The following EIF3H variants were observed in gnomAD, a reference collection of about 807,000 sequenced individuals.
EIF3H encodes eukaryotic translation initiation factor 3 subunit H.
A neutral mutation model predicts 44.2 loss-of-function variants in EIF3H; 26 were observed. The ratio of observed to expected loss-of-function variants is 0.59; its 90% CI spans 0.43 to 0.82. The LOEUF (loss-of-function observed/expected upper bound fraction) is 0.82, where lower values mean the gene tolerates loss of function less well. EIF3H is among the 40% of genes least tolerant of loss of function. The pLI is 0.00. For missense variants in EIF3H, 359 were observed against 432.8 expected (o/e 0.83, Z 1.51); for synonymous variants, 166 against 151.9 (o/e 1.09, Z -0.68).
chr8:116,652,137 G>C lies in EIF3H; in HGVS notation c.708-3211C>G, dbSNP rs990891119. On this transcript the variant is annotated intron_variant, in intron 5 of 7. Transcript: ENST00000521861. ...CAAGAGGGGGTTCACTGTGGAGAATGAGAGGAAACCCAGAAGAGCTATAGT... is the reference window on the plus strand; with the variant it reads ...CAAGAGGGGGTTCACTGTGGAGAATCAGAGGAAACCCAGAAGAGCTATAGT... Among the ~76,000 whole-genome samples the C allele has an allele frequency of 9.9e-5, 15 of 152,162 alleles. No homozygotes were observed. In the East Asian group the frequency reaches 2.9e-3, roughly 29 times the overall value.
At chr8:116,714,805 G>A (rs930668940) in intron 2 of EIF3H, among the ~76,000 whole-genome samples, 24 of 152,020 alleles carry the variant, frequency 1.6e-4, no homozygotes, top group African/African-American at 5.3e-4. Context: ...AAAATAATAA[G>A]TAAACACATG....
intron 2 of EIF3H, among the ~76,000 whole-genome samples, chr8:116,683,662 C>G (rs1011986121): frequency 6.6e-6 from 1 of 151,816 alleles, no homozygotes; most frequent in Non-Finnish European, 1.5e-5. Context: ...TTATTTAAAC[C>G]GTAAATTTTG....
chr8:116,669,770 G>A (rs10505284), intron 2 of EIF3H, among the ~76,000 whole-genome samples: 83,151 of 152,050 alleles, frequency 0.55, 24,672 homozygotes, highest in Non-Finnish European at 0.67. Flanking sequence ...AGAATGGAAA[G>A]TGACAGCAGT....
intron 1 of EIF3H, among the ~76,000 whole-genome samples, chr8:116,752,753 G>GAA (rs1586496494): frequency 9.7e-5 from 1 of 10,268 alleles, no homozygotes; most frequent in African/African-American, 4.0e-4. Context: ...AAGAAAGAAA[G>GAA]AGGGAGGGAG....
intron 2 of EIF3H, among the ~76,000 whole-genome samples, chr8:116,690,094 G>A (rs568237802): frequency 1.2e-4 from 18 of 152,112 alleles, no homozygotes; most frequent in African/African-American, 3.1e-4. Context: ...AGGATACCAC[G>A]TCTCAGGTCC....
rs1278358565 is a variant in EIF3H, at chr8:116,642,182, A to G, written c.*2824T>C. 6.6e-6 allele frequency: 1 copy of G among 152,192 alleles called. No individual in the cohort carries two copies. Among genetic ancestry groups the G allele is most frequent in the African/African-American group, 2.4e-5 (1 of 41,440 alleles). The allele number at this position is 152,192 out of a possible 1,614,324, so 9.4% of individuals were successfully genotyped here. On this transcript the variant is annotated 3_prime_UTR_variant, in exon 8 of 8. Transcript: ENST00000521861. ...ATGGAGTTTATAATGAAAATAAAAA[A>G]TTATTTCATAACATTCTGATACCAC...
upstream of EIF3H, chr8:116,755,963 G>T (rs765046847): frequency 6.5e-7 from 1 of 1,536,338 alleles, no homozygotes; most frequent in Non-Finnish European, 8.7e-7. Context: ...TTCTTTCCAG[G>T]CGGTATCCTT....
chr8:116,723,077 C>G (rs1206909219), intron 2 of EIF3H, among the ~76,000 whole-genome samples: 1 of 152,082 alleles, frequency 6.6e-6, no homozygotes, highest in Non-Finnish European at 1.5e-5. Flanking sequence ...ATTATTTCTT[C>G]ATATTCTAAA....
chr8:116,705,142 T>C (rs1814445481), intron 2 of EIF3H, among the ~76,000 whole-genome samples: 1 of 152,180 alleles, frequency 6.6e-6, no homozygotes, highest in Non-Finnish European at 1.5e-5. Context: ...AATGCACCCA[T>C]ATGAATTTAG....
chr8:116,763,983 C>T (rs1306729921), intron 1 of EIF3H, among the ~76,000 whole-genome samples: 1 of 152,010 alleles, frequency 6.6e-6, no homozygotes, highest in Non-Finnish European at 1.5e-5. Context: ...GTCAACTTGG[C>T]TTCATCAAAA....
At chr8:116,700,351 A>T (rs746582089) in intron 2 of EIF3H, among the ~76,000 whole-genome samples, 2 of 152,204 alleles carry the variant, frequency 1.3e-5, no homozygotes, top group Non-Finnish European at 2.9e-5. Context: ...ACAGCTTTGA[A>T]TGCAGCCAAA....
chr8:116,695,067 CTTTT>C (rs767166377), intron 2 of EIF3H, among the ~76,000 whole-genome samples: 6 of 133,550 alleles, frequency 4.5e-5, no homozygotes, highest in Admixed American at 1.5e-4. Context: ...CTTCCTAATT[CTTTT>C]TTTTTTTTTT....
At chr8:116,676,412 GACA>G (rs1211371715) in intron 2 of EIF3H, among the ~76,000 whole-genome samples, 23 of 152,300 alleles carry the variant, frequency 1.5e-4, no homozygotes, top group African/African-American at 5.3e-4. Context: ...GGCGAAGCAA[GACA>G]ACTTCTTCAC....
intron 1 of EIF3H, among the ~76,000 whole-genome samples, chr8:116,742,371 G>A (rs1157448425): frequency 2.0e-5 from 3 of 152,136 alleles, no homozygotes; most frequent in African/African-American, 4.8e-5. Context: ...GCAATCAAAT[G>A]TACAAATATA....
At position 116,646,485 on chromosome 8, in the gene EIF3H, G is replaced by C. The variant is rs765673805; in HGVS notation, c.947C>G (p.Ser316Trp). ...GGCAACAATACCTGCAATGAGCAGC[G>C]AGTCCATCCTGGCAGGCGGCTGTGG... ...KPPQPPARMD[S>W]LLIAGQINTY... is the part of the protein sequence containing the mutation. Residue 316 changes from serine (S) to tryptophan (W), a missense_variant, in exon 7 of 8, where the codon TCG (serine) becomes TGG (tryptophan). Physicochemically the swap from Ser to Trp is radical, Grantham distance 177. Coordinates refer to ENST00000521861, the MANE Select transcript of EIF3H (RefSeq NM_003756.3). The C allele has an allele frequency of 6.2e-7, 1 of 1,614,066 alleles. No homozygotes were observed. Among genetic ancestry groups the C allele is most frequent in the Non-Finnish European group, 8.5e-7 (1 of 1,180,042 alleles).
intron 4 of EIF3H, among the ~76,000 whole-genome samples, chr8:116,656,482 A>G (rs1813492643): frequency 6.6e-6 from 1 of 152,158 alleles, no homozygotes; most frequent in Non-Finnish European, 1.5e-5. Flanking sequence ...TGCCAAGAAC[A>G]CAGTTTCTCA....
chr8:116,650,147 T>G (rs1026939375), intron 5 of EIF3H, among the ~76,000 whole-genome samples: 1 of 152,176 alleles, frequency 6.6e-6, no homozygotes, highest in Non-Finnish European at 1.5e-5. Flanking sequence ...ATGACACATT[T>G]TGCTTAAATT....
At chr8:116,677,564 G>A (rs73324025) in intron 2 of EIF3H, among the ~76,000 whole-genome samples, 8,095 of 152,224 alleles carry the variant, frequency 0.053, 719 homozygotes, top group African/African-American at 0.18. Context: ...GAGCAACAAC[G>A]TTGAAGAAAA....
intron 1 of EIF3H, among the ~76,000 whole-genome samples, chr8:116,735,706 T>G (rs551929289): frequency 1.3e-5 from 2 of 151,918 alleles, no homozygotes; most frequent in East Asian, 3.9e-4. Context: ...CTTGGCCCCA[T>G]GTGGATCATC....
Sources: allele counts gnomAD v4.1 joint callset (sites outside exome capture counted in the v4.1 genomes callset), GRCh38; gene constraint gnomAD v4.1.1; transcripts MANE v1.5; gene names NCBI Gene and HGNC (gene_info 2026-07-23, HGNC 2026-07-21).